Variants in RBM4B observed in about 807,000 individuals in gnomAD.
RBM4B encodes RNA binding motif protein 4B.
Under a neutral mutation model 28.5 loss-of-function variants are expected in RBM4B, and 13 were observed. That is an observed-to-expected ratio of 0.46 (90% CI 0.30 to 0.72). The LOEUF is 0.72. Among genes scored for constraint, RBM4B ranks in the 30% least tolerant of loss-of-function variants. The pLI is 0.09. For missense variants in RBM4B, 387 were observed against 477.6 expected, an observed-to-expected ratio of 0.81 and a Z score of 1.77; for synonymous variants, 167 against 179.1, an observed-to-expected ratio of 0.93 and a Z score of 0.54.
rs141045331 is a variant in RBM4B at position 66,668,945 on chromosome 11, T to C, written c.759A>G (p.Gln253=). The change falls in exon 3 of 4, where the codon CAA becomes CAG. Residue 253 remains glutamine (Q), a synonymous_variant. Coordinates refer to ENST00000310046, the MANE Select transcript of RBM4B (RefSeq NM_031492.4). ...YAEQTMSHLP[Q]VQSTTVTSHL... ...GGCTGGTCACAGTTGTGCTTTGGAC[T>C]TGAGGCAGATGGGACATGGTCTGCT... 5.6e-6 allele frequency: 9 copies of C among 1,614,192 alleles called. No individual in the cohort carries two copies. The South Asian group carries it at 7.7e-5, about 14-fold the overall frequency.
intron 2 of RBM4B, among the ~76,000 whole-genome samples, chr11:66,674,220 CTTTTCTTTCTTTTTT>C (rs1939564792): frequency 2.8e-5 from 2 of 70,458 alleles, no homozygotes; most frequent in East Asian, 7.3e-4. Flanking sequence ...TTTTCTTTTT[CTTTTCTTTCTTTTTT>C]TTTTTTGAGA....
chr11:66,671,153 T>C (rs915462265), intron 2 of RBM4B, among the ~76,000 whole-genome samples: 1 of 152,230 alleles, frequency 6.6e-6, no homozygotes, highest in African/African-American at 2.4e-5. Flanking sequence ...TCAGGCTTTA[T>C]ACCTCCAACT....
At chr11:66,666,938 G>C (rs1939259126) in intron 3 of RBM4B, 2 of 151,048 alleles carry the variant, frequency 1.3e-5, no homozygotes, top group South Asian at 4.2e-4. Context: ...AAGAGAGAGA[G>C]GAGCCACTCT....
exon 1 of RBM4B, chr11:66,677,867 AGCTCACGCACGCGCGAGTGCGCGCT>A (rs1939698667): frequency 1.3e-5 from 2 of 152,798 alleles, no homozygotes; most frequent in East Asian, 3.9e-4. Context: ...CTCGCGCGCC[AGCTCACGCACGCGCGAGTGCGCGCT>A]GCTTCCCTCC....
chr11:66,676,346 C>T, intron 2 of RBM4B: 1 of 480,740 alleles, frequency 2.1e-6, no homozygotes, highest in Non-Finnish European at 3.6e-6. Flanking sequence ...GACCTTTATC[C>T]TCCCTTCTCT....
rs147402658 is a variant in RBM4B at position 66,665,907 on chromosome 11, C to A, written c.*10-329G>T. ...TACTGTTGCTGTAACAAAGGGCATA[C>A]ATACATTTTCAAGAACTGCAATTTA... On this transcript the variant is annotated intron_variant, in intron 3 of 3. Coordinates refer to ENST00000310046, the MANE Select transcript of RBM4B (RefSeq NM_031492.4). 6 of 1,535,466 alleles carry A rather than the reference C, an allele frequency of 3.9e-6. 1 individual carries two copies. The South Asian group carries it at 7.1e-5, about 18-fold the overall frequency.
At position 66,665,369 on chromosome 11, in the gene RBM4B, T is replaced by C. The variant is rs959804422; in HGVS notation, c.*219A>G. 2.0e-5 allele frequency: 12 copies of C among 597,652 alleles called. No homozygotes were observed. The highest frequency in any genetic ancestry group is 1.5e-4 in the Admixed American group (5 of 34,120). 37.0% of individuals were successfully genotyped at this position (597,652 alleles called of 1,614,324 possible). The stretch of plus-strand genomic sequence containing the variant: ...CCTAGGGCTGCTCAGAGGCTGAGAA[T>C]ATAAGGAACAGAGTGAAAGGCTACA... On this transcript the variant is annotated 3_prime_UTR_variant, in exon 4 of 4. Coordinates refer to ENST00000310046, the MANE Select transcript of RBM4B (RefSeq NM_031492.4).
chr11:66,665,679 A>T (rs1939200847), intron 3 of RBM4B, 101 bp from the exon 4 acceptor site: 3 of 1,513,230 alleles, frequency 2.0e-6, no homozygotes, highest in Non-Finnish European at 2.6e-6. Context: ...CGGGGGGAAA[A>T]AAAAGAACAA....
intron 2 of RBM4B, chr11:66,670,981 A>G: frequency 1.4e-6 from 1 of 702,612 alleles, no homozygotes; most frequent in Non-Finnish European, 2.6e-6. Context: ...GTGCTCCACC[A>G]TCCTGTTGGA....
chr11:66,676,316 AAAG>A lies in RBM4B; in HGVS notation c.412+349_412+351del. ...AATATAAGGCTTCCTGATCATCACC[AAAG>A]AAGCAGGTAAGCCACGGACCTTTAT... On this transcript the variant is annotated intron_variant, in intron 2 of 3. Coordinates refer to ENST00000310046, the MANE Select transcript of RBM4B (RefSeq NM_031492.4). 5 of 434,206 alleles carry A rather than the reference AAAG, an allele frequency of 1.2e-5. No individual in the cohort carries two copies. The South Asian group carries it at 2.7e-4, about 23-fold the overall frequency. The allele number at this position is 434,206 out of a possible 1,614,324, so 26.9% of individuals were successfully genotyped here. A position where few individuals can be genotyped will look rare whatever the true frequency, so the allele number is the denominator to read the frequency against.
At chr11:66,670,575 C>T (rs766202749) in intron 2 of RBM4B, among the ~76,000 whole-genome samples, 14 of 152,132 alleles carry the variant, frequency 9.2e-5, no homozygotes, top group Non-Finnish European at 1.8e-4. Context: ...CTGATGAAAG[C>T]ATCTGAAGTC....
At chr11:66,672,463 A>G (rs1344110777) in intron 2 of RBM4B, among the ~76,000 whole-genome samples, 1 of 148,514 alleles carries the variant, frequency 6.7e-6, no homozygotes, top group Admixed American at 6.7e-5. Context: ...AGTCCTTCCA[A>G]CGGTTATAAT....
At chr11:66,671,077 G>C in intron 2 of RBM4B, 1 of 698,466 alleles carries the variant, frequency 1.4e-6, no homozygotes, top group African/African-American at 1.7e-5. Context: ...TATCACTTTA[G>C]TCAAATTCCT....
In RBM4B at chr11:66,668,640, CG is replaced by C. The variant is rs1565092414; in HGVS notation, c.1063del (p.Arg355GlyfsTer10). ...CTCCAGTTTTTAAAAGGCTGAGTACCGGGCTCGGTCCACATACTGCTCCCGT... is the reference window on the plus strand; with the variant it reads ...CTCCAGTTTTTAAAAGGCTGAGTACCGGCTCGGTCCACATACTGCTCCCGT... The part of the protein sequence containing the change: ...YEREQYVDRA[R>X]YSAF On this transcript the variant is annotated frameshift_variant, in exon 3 of 4. Coordinates refer to ENST00000310046, the MANE Select transcript of RBM4B (RefSeq NM_031492.4). LOFTEE classifies it high-confidence loss of function. 6.2e-7 allele frequency: 1 copy of C among 1,602,666 alleles called. No homozygotes were observed. Among genetic ancestry groups the C allele is most frequent in the Admixed American group, 1.7e-5 (1 of 59,792 alleles).
rs553951981 is a variant in RBM4B at position 66,674,224 on chromosome 11, T to C, written c.412+2444A>G. On this transcript the variant is annotated intron_variant, in intron 2 of 3. Coordinates refer to ENST00000310046, the MANE Select transcript of RBM4B (RefSeq NM_031492.4). ...CTTCAGGTAGCTTTTCTTTTTCTTTTCTTTCTTTTTTTTTTTTGAGATGGA... is the reference window on the plus strand; with the variant it reads ...CTTCAGGTAGCTTTTCTTTTTCTTTCCTTTCTTTTTTTTTTTTGAGATGGA... Among the ~76,000 whole-genome samples the C allele has an allele frequency of 2.9e-4, 43 of 150,750 alleles. 1 individual carries two copies. Among genetic ancestry groups the C allele is most frequent in the Middle Eastern group, 3.4e-3 (1 of 294 alleles).
intron 3 of RBM4B, chr11:66,668,287 TAC>T (rs1032069182): frequency 3.0e-5 from 7 of 232,748 alleles, no homozygotes; most frequent in African/African-American, 1.6e-4. Context: ...GTAGATGATA[TAC>T]AGAGGGCACA....
At chr11:66,672,302 T>C (rs1305903737) in intron 2 of RBM4B, among the ~76,000 whole-genome samples, 1 of 145,518 alleles carries the variant, frequency 6.9e-6, no homozygotes, top group Non-Finnish European at 1.5e-5. Flanking sequence ...CCCAGCTACT[T>C]GGGAAGCTGA....
chr11:66,677,103 A>C lies in RBM4B; in HGVS notation c.-12-12T>G. ...ATCCTGACAAGAGCCTGGGAGAGAAACACAAGACTTCAAAAGTCAGGGGTG... is the reference window on the plus strand; with the variant it reads ...ATCCTGACAAGAGCCTGGGAGAGAACCACAAGACTTCAAAAGTCAGGGGTG... On this transcript the variant is annotated splice_polypyrimidine_tract_variant and intron_variant, in intron 1 of 3. Coordinates refer to ENST00000310046, the MANE Select transcript of RBM4B (RefSeq NM_031492.4). The C allele has an allele frequency of 6.2e-7, 1 of 1,606,954 alleles. No homozygotes were observed. The highest frequency in any genetic ancestry group is 8.5e-7 in the Non-Finnish European group (1 of 1,174,790).
chr11:66,665,812 A>C (rs1939209800), intron 3 of RBM4B: 1 of 1,473,736 alleles, frequency 6.8e-7, no homozygotes, highest in African/African-American at 1.4e-5. Flanking sequence ...ATCTAGCTGA[A>C]GAATGTGTTG....
Sources: allele counts gnomAD v4.1 joint callset (sites outside exome capture counted in the v4.1 genomes callset), GRCh38; gene constraint gnomAD v4.1.1; transcripts MANE v1.5; gene names NCBI Gene and HGNC (gene_info 2026-07-23, HGNC 2026-07-21).